CAPS2: variants seen among roughly 807,000 people sequenced by gnomAD.
The protein encoded by CAPS2 is calcyphosine 2.
A neutral mutation model predicts 86.5 loss-of-function variants in CAPS2; 98 were observed. That is an observed-to-expected ratio of 1.13 (90% confidence interval 0.96 to 1.34). CAPS2 has a LOEUF of 1.34. CAPS2 is among the 40% of genes most tolerant of loss of function. The probability of loss-of-function intolerance (pLI) is 0.00; values close to 1 mark genes in which losing one functional copy is unlikely to be tolerated. For synonymous variants in CAPS2, 210 were observed against 225.1 expected, an observed-to-expected ratio of 0.93 and a Z score of 0.60; for missense variants, 729 against 686.8, an observed-to-expected ratio of 1.06 and a Z score of -0.69.
At chr12:75,362,961 G>A in intron 1 of CAPS2, 1 of 505,020 alleles carries the variant, frequency 2.0e-6, no homozygotes, top group Non-Finnish European at 3.6e-6. Flanking sequence ...CAAAAGAAAT[G>A]AAAATAAAAT....
intron 1 of CAPS2, among the ~76,000 whole-genome samples, chr12:75,363,647 A>G (rs2043769978): frequency 1.3e-5 from 2 of 152,172 alleles, no homozygotes; most frequent in African/African-American, 4.8e-5. Flanking sequence ...GACTAAAAGT[A>G]TAAATTTTGG....
rs573920293 is a variant in CAPS2 at position 75,289,877 on chromosome 12, T to G, written c.1241-102A>C. ...AAAATTAAAGTTGATGTAACTGAAA[T>G]AAGGAATGTGAATATTCAAACAAAT... On this transcript the variant is annotated intron_variant, in intron 13 of 16. Transcript: ENST00000393284. 21 of 820,748 alleles carry G rather than the reference T, an allele frequency of 2.6e-5. No homozygotes were observed. The Admixed American group carries it at 3.2e-4, about 12-fold the overall frequency. 50.8% of individuals were successfully genotyped at this position (820,748 alleles called of 1,614,324 possible).
chr12:75,380,485 TA>T, intron 1 of CAPS2, among the ~76,000 whole-genome samples: 1 of 152,188 alleles, frequency 6.6e-6, no homozygotes, highest in East Asian at 1.9e-4. Context: ...TTCTTGCAGC[TA>T]GGGAAACTAC....
At chr12:75,289,247 T>C (rs2035431578) in intron 14 of CAPS2, among the ~76,000 whole-genome samples, 1 of 152,120 alleles carries the variant, frequency 6.6e-6, no homozygotes, top group Admixed American at 6.6e-5. Context: ...CAGGCATCCT[T>C]CCATGATCTT....
intron 1 of CAPS2, among the ~76,000 whole-genome samples, chr12:75,353,070 A>G (rs1451005926): frequency 2.0e-5 from 3 of 152,148 alleles, no homozygotes; most frequent in Non-Finnish European, 2.9e-5. Context: ...ACATCCTAAC[A>G]TCATAACTAA....
At chr12:75,363,450 A>G (rs1036945931) in intron 1 of CAPS2, among the ~76,000 whole-genome samples, 1 of 152,164 alleles carries the variant, frequency 6.6e-6, no homozygotes, top group Admixed American at 6.5e-5. Context: ...CTGCACTGAA[A>G]ATAACTATGG....
intron 1 of CAPS2, among the ~76,000 whole-genome samples, chr12:75,359,054 G>A (rs945722527): frequency 6.7e-6 from 1 of 150,194 alleles, no homozygotes; most frequent in Non-Finnish European, 1.5e-5. Flanking sequence ...CTACTGTATA[G>A]AAAATCCACT....
At chr12:75,363,121 C>A (rs1361780603) in intron 1 of CAPS2, 3 of 1,556,240 alleles carry the variant, frequency 1.9e-6, no homozygotes, top group Non-Finnish European at 2.6e-6. Flanking sequence ...TGCAAATATG[C>A]CTCCTTACGT....
chr12:75,276,241 G>C, downstream of CAPS2: 1 of 1,542,414 alleles, frequency 6.5e-7, no homozygotes, highest in Non-Finnish European at 8.8e-7. Flanking sequence ...TGTCCTTGCT[G>C]GTCAACCTAG....
intron 1 of CAPS2, chr12:75,369,961 GAC>G: frequency 1.8e-6 from 2 of 1,090,252 alleles, no homozygotes; most frequent in Non-Finnish European, 2.6e-6. Context: ...TTACTTTAGG[GAC>G]TCCACAACTT....
chr12:75,334,985 T>C (rs117279793), upstream of CAPS2: 8 of 1,325,606 alleles, frequency 6.0e-6, no homozygotes, highest in East Asian at 2.3e-5. Context: ...ACTTAACTTG[T>C]ACTAATTCAA....
At chr12:75,330,165 C>T, upstream of CAPS2, 2 of 284,142 alleles carry the variant, frequency 7.0e-6, no homozygotes, top group Non-Finnish European at 1.3e-5. Context: ...TACGCCACCT[C>T]CCGCCCCCGC....
chr12:75,381,365 T>A (rs1023620884), intron 1 of CAPS2, among the ~76,000 whole-genome samples: 1 of 152,092 alleles, frequency 6.6e-6, no homozygotes, highest in Non-Finnish European at 1.5e-5. Flanking sequence ...AAATCTCAGG[T>A]ATGTCTTTAT....
intron 15 of CAPS2, among the ~76,000 whole-genome samples, chr12:75,282,688 G>A (rs2034194798): frequency 6.6e-6 from 1 of 151,892 alleles, no homozygotes; most frequent in Non-Finnish European, 1.5e-5. Context: ...CGTCCGGCCT[G>A]GCAAATGTTA....
At chr12:75,279,053 T>G in exon 17 of CAPS2, 1 of 1,594,672 alleles carries the variant, frequency 6.3e-7, no homozygotes, top group Non-Finnish European at 8.5e-7. Context: ...GATTTCTTCC[T>G]CTGTTGAATG....
intron 1 of CAPS2, among the ~76,000 whole-genome samples, chr12:75,363,527 C>T (rs2043759376): frequency 2.0e-5 from 3 of 151,946 alleles, no homozygotes; most frequent in Admixed American, 2.0e-4. Context: ...GAATAGTGAC[C>T]CATTCAGAAG....
chr12:75,353,405 T>C (rs1395482418), intron 1 of CAPS2, among the ~76,000 whole-genome samples: 1 of 152,146 alleles, frequency 6.6e-6, no homozygotes, highest in African/African-American at 2.4e-5. Context: ...AAGAAATTGA[T>C]AAATTCCTGT....
At chr12:75,358,527 C>A (rs1328955266) in intron 1 of CAPS2, among the ~76,000 whole-genome samples, 3 of 150,648 alleles carry the variant, frequency 2.0e-5, no homozygotes, top group Non-Finnish European at 3.0e-5. Flanking sequence ...TCCTAACAAG[C>A]TAAAAATAGA....
Position 75,367,105 on chromosome 12 carries a change from G to A in CAPS2, c.-395+23733C>T, listed in dbSNP as rs934441663. On this transcript the variant is annotated intron_variant, in intron 1 of 5. Coordinates refer to the CAPS2 transcript ENST00000551829. ...ACTGAGATTAATTTGGGGAGAAAAC[G>A]TAATGGAGAAGACACTTTAGAATAC... 24 of 688,958 alleles carry A rather than the reference G, an allele frequency of 3.5e-5. No homozygotes were observed. In the East Asian group the frequency reaches 4.1e-4, roughly 12 times the overall value. The allele number at this position is 688,958 out of a possible 1,614,324, so 42.7% of individuals were successfully genotyped here. A position where few individuals can be genotyped will look rare whatever the true frequency, so the allele number is the denominator to read the frequency against.
Sources: allele counts gnomAD v4.1 joint callset (sites outside exome capture counted in the v4.1 genomes callset), GRCh38; gene constraint gnomAD v4.1.1; transcripts MANE v1.5; gene names NCBI Gene and HGNC (gene_info 2026-07-23, HGNC 2026-07-21).